Variants in MED12L observed in about 807,000 individuals in gnomAD.
The protein encoded by MED12L is mediator complex subunit 12L, also known as mediator of RNA polymerase II transcription subunit 12-like protein.
In MED12L, 60 loss-of-function variants were observed where a neutral mutation model predicts 281.3. The ratio of observed to expected loss-of-function variants is 0.21; its 90% confidence interval spans 0.17 to 0.26. The LOEUF is 0.26. MED12L is among the 10% of genes least tolerant of loss of function. MED12L has a pLI of 1.00. For missense variants in MED12L, 2,146 were observed against 2,680.9 expected (o/e 0.80, Z 4.41); for synonymous variants, 974 against 987.2 (o/e 0.99, Z 0.25).
intron 16 of MED12L, among the ~76,000 whole-genome samples, chr3:151,209,897 CA>C (rs1726889336): frequency 6.6e-6 from 1 of 151,906 alleles, no homozygotes; most frequent in Non-Finnish European, 1.5e-5. Flanking sequence ...TTGTAGTTGC[CA>C]AAAGAAAGAA....
chr3:151,288,333 C>G (rs1433348347), intron 16 of MED12L, among the ~76,000 whole-genome samples: 1 of 152,152 alleles, frequency 6.6e-6, no homozygotes, highest in African/African-American at 2.4e-5. Context: ...TAATTTAAGT[C>G]TATTTTACAT....
At chr3:151,140,670 G>T (rs1716792342) in intron 5 of MED12L, among the ~76,000 whole-genome samples, 1 of 133,122 alleles carries the variant, frequency 7.5e-6, no homozygotes, top group African/African-American at 3.5e-5. Context: ...GATAGTTTTT[G>T]AATTTATTTA....
At chr3:151,127,128 C>G (rs2148798843) in intron 4 of MED12L, among the ~76,000 whole-genome samples, 1 of 152,328 alleles carries the variant, frequency 6.6e-6, no homozygotes, top group Middle Eastern at 3.4e-3. Flanking sequence ...TGAATTAACT[C>G]TTTCAAACCA....
intron 44 of MED12L, among the ~76,000 whole-genome samples, chr3:151,432,325 C>T (rs1007150426): frequency 6.6e-6 from 1 of 152,226 alleles, no homozygotes; most frequent in Non-Finnish European, 1.5e-5. Context: ...TTGTACATAC[C>T]TTATGGCTAT....
intron 16 of MED12L, among the ~76,000 whole-genome samples, chr3:151,256,223 T>A (rs540998580): frequency 6.6e-6 from 1 of 152,322 alleles, no homozygotes; most frequent in South Asian, 2.1e-4. Flanking sequence ...TATTTTCAAA[T>A]TATAAATCTA....
chr3:151,238,909 C>T (rs1224424956), intron 16 of MED12L, among the ~76,000 whole-genome samples: 1 of 152,148 alleles, frequency 6.6e-6, no homozygotes, highest in Non-Finnish European at 1.5e-5. Flanking sequence ...ACCATTTTTA[C>T]TTGATCGAAT....
intron 16 of MED12L, among the ~76,000 whole-genome samples, chr3:151,268,832 C>G (rs1740320942): frequency 6.6e-6 from 1 of 152,140 alleles, no homozygotes; most frequent in Non-Finnish European, 1.5e-5. Context: ...AAAACTAAGA[C>G]CACAAAGCTT....
At chr3:151,099,237 A>T (rs769645065) in intron 2 of MED12L, among the ~76,000 whole-genome samples, 10 of 152,224 alleles carry the variant, frequency 6.6e-5, no homozygotes, top group Non-Finnish European at 1.2e-4. Flanking sequence ...GTGAAGTAAG[A>T]GGAAGGAGCA....
chr3:151,336,005 A>G (rs56105302), intron 16 of MED12L, among the ~76,000 whole-genome samples: 48,013 of 151,966 alleles, frequency 0.32, 7,845 homozygotes, highest in East Asian at 0.49. Flanking sequence ...CGAACATCTG[A>G]CCTCCATGAC....
chr3:151,399,897 G>T (rs1160405875), intron 39 of MED12L, among the ~76,000 whole-genome samples: 1 of 151,440 alleles, frequency 6.6e-6, no homozygotes, highest in Admixed American at 6.6e-5. Flanking sequence ...CCTAATCTCC[G>T]CTCATTGCAA....
At chr3:151,335,011 T>A (rs1180442018) in intron 16 of MED12L, among the ~76,000 whole-genome samples, 1 of 152,172 alleles carries the variant, frequency 6.6e-6, no homozygotes, top group Non-Finnish European at 1.5e-5. Context: ...TTCATTTGAT[T>A]TTTTTCCTCA....
chr3:151,298,883 T>G (rs908285554), intron 16 of MED12L, among the ~76,000 whole-genome samples: 2 of 152,220 alleles, frequency 1.3e-5, no homozygotes, highest in African/African-American at 4.8e-5. Context: ...GGTAACCACA[T>G]CTGGCTACTG....
At chr3:151,104,326 G>T (rs1721746805) in intron 2 of MED12L, among the ~76,000 whole-genome samples, 1 of 152,158 alleles carries the variant, frequency 6.6e-6, no homozygotes, top group South Asian at 2.1e-4. Flanking sequence ...CAGGAGGCTG[G>T]TATTAATGCT....
At chr3:151,347,068 G>C (rs1032806036) in intron 16 of MED12L, among the ~76,000 whole-genome samples, 1 of 152,126 alleles carries the variant, frequency 6.6e-6, no homozygotes, top group Non-Finnish European at 1.5e-5. Flanking sequence ...TCAAAAGCCT[G>C]ATCCTTTCCT....
At chr3:151,379,368 G>T (rs1711820684) in intron 31 of MED12L, among the ~76,000 whole-genome samples, 1 of 152,186 alleles carries the variant, frequency 6.6e-6, no homozygotes, top group Non-Finnish European at 1.5e-5. Context: ...CTCATTTTAA[G>T]AAATTTGTCT....
At position 151,219,903 on chromosome 3, in the gene MED12L, C is replaced by CA. The variant is rs1175620675; in HGVS notation, c.2250+26237_2250+26238insA. On this transcript the variant is annotated intron_variant, in intron 16 of 44. Transcript: ENST00000687756. ...ATTGGTTTATATTACCCCCCCCCCCCCCTTGGATATGGATGATCGAATCAA... is the reference window on the plus strand; with the variant it reads ...ATTGGTTTATATTACCCCCCCCCCCCACCTTGGATATGGATGATCGAATCAA... 6.3e-4 allele frequency among the ~76,000 whole-genome samples: 86 copies of CA among 136,844 alleles called. 2 individuals are homozygous for CA. The East Asian group carries it at 0.019, about 30-fold the overall frequency. The allele number at this position is 136,844 out of a possible 152,430, so 89.8% of individuals were successfully genotyped here. A position where few individuals can be genotyped will look rare whatever the true frequency, so the allele number is the denominator to read the frequency against.
intron 19 of MED12L, among the ~76,000 whole-genome samples, chr3:151,356,416 T>TA: frequency 6.6e-6 from 1 of 152,100 alleles, no homozygotes; most frequent in South Asian, 2.1e-4. Context: ...AAATAAAATT[T>TA]AAAAAATAAA....
intron 11 of MED12L, 46 bp downstream of exon 11, chr3:151,166,028 GT>G (rs750834117): frequency 4.6e-6 from 7 of 1,529,602 alleles, no homozygotes; most frequent in Non-Finnish European, 5.3e-6. Context: ...TTTTCATAGT[GT>G]TTTTTTCTTC....
intron 43 of MED12L, among the ~76,000 whole-genome samples, chr3:151,427,867 TCAC>T (rs1477214923): frequency 1.3e-5 from 2 of 152,192 alleles, no homozygotes; most frequent in African/African-American, 4.8e-5. Context: ...TTAAATGTGT[TCAC>T]CACAGTGAAA....
Sources: gnomAD v4.1 joint callset for allele counts (sites outside exome capture counted in the v4.1 genomes callset) on GRCh38, gnomAD v4.1.1 for gene constraint, MANE v1.5 for transcripts, NCBI Gene and HGNC (gene_info 2026-07-23, HGNC 2026-07-21) for gene names.